Variants in SCUBE2 observed in about 807,000 individuals in gnomAD.
SCUBE2 encodes signal peptide, CUB and EGF-like domain-containing protein 2.
Under a neutral mutation model 125.9 loss-of-function variants are expected in SCUBE2, and 114 were observed. The observed-to-expected ratio is 0.91, with a 90% CI of 0.78 to 1.06. The LOEUF is 1.06. Ranked by LOEUF, SCUBE2 falls within the 50% of genes least tolerant of loss-of-function variation. SCUBE2 has a pLI of 0.00. For missense variants in SCUBE2, 1,255 were observed against 1,301.8 expected, an observed-to-expected ratio of 0.96 and a Z score of 0.55; for synonymous variants, 459 against 492.9, an observed-to-expected ratio of 0.93 and a Z score of 0.91.
intron 9 of SCUBE2, among the ~76,000 whole-genome samples, chr11:9,057,657 T>A (rs1462965055): frequency 6.6e-6 from 1 of 151,084 alleles, no homozygotes; most frequent in South Asian, 2.1e-4. Context: ...TAGCTGGGAT[T>A]ACAGGTGCCC....
At chr11:9,078,178 T>G (rs1287205468) in intron 3 of SCUBE2, among the ~76,000 whole-genome samples, 1 of 152,262 alleles carries the variant, frequency 6.6e-6, no homozygotes, top group Non-Finnish European at 1.5e-5. Flanking sequence ...TAATTAATAC[T>G]GATTCCTGCT....
Position 9,091,391 on chromosome 11 carries a change from C to G in SCUBE2, c.133+5G>C. The G allele has an allele frequency of 1.5e-6, 2 of 1,314,432 alleles. No homozygotes were observed. Among genetic ancestry groups the G allele is most frequent in the Non-Finnish European group, 1.9e-6 (2 of 1,038,178 alleles). The allele number at this position is 1,314,432 out of a possible 1,614,324, so 81.4% of individuals were successfully genotyped here. A position where few individuals can be genotyped will look rare whatever the true frequency, so the allele number is the denominator to read the frequency against. On this transcript the variant is annotated splice_donor_5th_base_variant and intron_variant, in intron 1 of 22. Transcript: ENST00000649792. The surrounding 1 kb of genome is among the most constrained non-coding windows in gnomAD (Gnocchi z 8.5). ...CCAGGTGCGCCCCCGCGGCCGGACACTCACCCTCCTGCGGCCCCGCGGCAC... is the reference window on the plus strand; with the variant it reads ...CCAGGTGCGCCCCCGCGGCCGGACAGTCACCCTCCTGCGGCCCCGCGGCAC...
chr11:9,066,704 G>T lies in SCUBE2; in HGVS notation c.753C>A (p.Ser251Arg). 4 of 1,613,836 alleles carry T rather than the reference G, an allele frequency of 2.5e-6. No homozygotes were observed. The highest frequency in any genetic ancestry group is 3.4e-6 in the Non-Finnish European group (4 of 1,179,764). The change falls in exon 6 of 23, where the codon AGC becomes AGA. Residue 251 changes from serine (S) to arginine (R), a missense_variant. By Grantham distance (110) the Ser-to-Arg change is moderately radical (BLOSUM62 -1). Around this residue, in one of 3 missense-constraint regions of SCUBE2, gnomAD observed 378 missense variants for 463.1 expected, o/e 0.82. Coordinates refer to ENST00000649792, the MANE Select transcript of SCUBE2 (RefSeq NM_001367977.2). ...GTTGGGGTTGCCACTCACCAAGGCA[G>T]CTCCTCCCATCTGTGTGCATCTTGT... ...PQYKMHTDGR[S>R]CLEREDTVLE...
At chr11:9,081,235 A>G (rs1368430298) in intron 2 of SCUBE2, among the ~76,000 whole-genome samples, 5 of 152,208 alleles carry the variant, frequency 3.3e-5, no homozygotes, top group Non-Finnish European at 7.3e-5. Context: ...GTTGGATATA[A>G]TTAAAACAAT....
intron 7 of SCUBE2, among the ~76,000 whole-genome samples, chr11:9,061,393 A>G (rs1859670518): frequency 6.6e-6 from 1 of 151,918 alleles, no homozygotes; most frequent in South Asian, 2.1e-4. Context: ...CCCCATCTCT[A>G]CACAAATTTT....
Position 9,091,529 on chromosome 11 carries a change from G to T in SCUBE2, c.-1C>A. The T allele has an allele frequency of 1.3e-6, 1 of 775,020 alleles. No homozygotes were observed. The highest frequency in any genetic ancestry group is 1.7e-6 in the Non-Finnish European group (1 of 579,816). The allele number at this position is 775,020 out of a possible 1,614,324, so 48.0% of individuals were successfully genotyped here. A position where few individuals can be genotyped will look rare whatever the true frequency, so the allele number is the denominator to read the frequency against. ...GACGGTTGCGGCCCGCGACCCCCAT[G>T]GATGGCTCAGCGGTTGCGGGCAGAG... On this transcript the variant is annotated 5_prime_UTR_variant, in exon 1 of 23. Transcript: ENST00000649792. The surrounding 1 kb of genome is among the most constrained non-coding windows in gnomAD (Gnocchi z 8.5).
chr11:9,063,232 C>G (rs955732424), intron 7 of SCUBE2, among the ~76,000 whole-genome samples: 3 of 151,634 alleles, frequency 2.0e-5, no homozygotes, highest in Non-Finnish European at 4.4e-5. Flanking sequence ...GGCGACAGAA[C>G]AAGACTCTGT....
At chr11:9,039,133 C>G (rs1856990544) in intron 16 of SCUBE2, among the ~76,000 whole-genome samples, 1 of 151,148 alleles carries the variant, frequency 6.6e-6, no homozygotes, top group Non-Finnish European at 1.5e-5. Flanking sequence ...GCCACTGTAC[C>G]CAGCCTGATT....
rs72142315 is a variant in SCUBE2, at chr11:9,045,610, GACACACACAC to G, written c.2002+1736_2002+1745del. On this transcript the variant is annotated intron_variant, in intron 16 of 22. Coordinates refer to ENST00000649792, the MANE Select transcript of SCUBE2 (RefSeq NM_001367977.2). ...ACCAGGACTAGAAGACAGACAGACA[GACACACACAC>G]ACACACACACACACACACACACACA... 6.0e-4 allele frequency among the ~76,000 whole-genome samples: 60 copies of G among 99,212 alleles called. 1 individual carries two copies. The highest frequency in any genetic ancestry group is 1.7e-3 in the South Asian group (6 of 3,548). 65.1% of individuals were successfully genotyped at this position (99,212 alleles called of 152,430 possible).
intron 21 of SCUBE2, chr11:9,024,538 G>T: frequency 1.8e-6 from 1 of 547,268 alleles, no homozygotes; most frequent in East Asian, 6.9e-5. Context: ...CTAAGATTAA[G>T]TCTATCCTCC....
intron 2 of SCUBE2, among the ~76,000 whole-genome samples, chr11:9,087,189 A>G (rs930114659): frequency 1.3e-5 from 2 of 152,224 alleles, no homozygotes; most frequent in Non-Finnish European, 2.9e-5. Context: ...TAGCAATTCA[A>G]TTTCATTTGA....
chr11:9,036,612 CA>C (rs1444736306), intron 16 of SCUBE2, among the ~76,000 whole-genome samples: 1 of 152,216 alleles, frequency 6.6e-6, no homozygotes, highest in Non-Finnish European at 1.5e-5. Flanking sequence ...ACAATGATTC[CA>C]ACAGCCCCAT....
intron 4 of SCUBE2, among the ~76,000 whole-genome samples, chr11:9,070,707 T>TCTCTCTAGAGACTTCA (rs1362372351): frequency 2.0e-5 from 3 of 152,214 alleles, no homozygotes; most frequent in Admixed American, 1.3e-4. Context: ...TCTAGTGAAG[T>TCTCTCTAGAGACTTCA]CAAAGTTCTC....
At chr11:9,082,623 T>C (rs979529448) in intron 2 of SCUBE2, among the ~76,000 whole-genome samples, 5 of 152,202 alleles carry the variant, frequency 3.3e-5, no homozygotes, top group African/African-American at 1.2e-4. Context: ...ATTCATACAA[T>C]GGACTACTAT....
rs1199734203 is a variant in SCUBE2, at chr11:9,066,769, C to G, written c.688G>C (p.Asp230His). The change falls in exon 6 of 23, where the codon GAT becomes CAT. Residue 230 changes from aspartate (D) to histidine (H), a missense_variant. This residue lies in a region of SCUBE2 where 362 missense variants were observed against 323.0 expected (regional missense o/e 1.12). Coordinates refer to ENST00000649792, the MANE Select transcript of SCUBE2 (RefSeq NM_001367977.2). ...GNGGCQHSCD[D>H]TADGPECSCH... ...CTGCACTCTGGGCCATCGGCTGTATCGTCACAGGAGTGCTGGCACCCACCG... is the reference window on the plus strand; with the variant it reads ...CTGCACTCTGGGCCATCGGCTGTATGGTCACAGGAGTGCTGGCACCCACCG... 2.5e-6 allele frequency: 4 copies of G among 1,614,166 alleles called. No homozygotes were observed. In the Admixed American group the frequency reaches 6.7e-5, roughly 27 times the overall value.
chr11:9,064,188 C>A, intron 7 of SCUBE2, among the ~76,000 whole-genome samples: 1 of 152,072 alleles, frequency 6.6e-6, no homozygotes, highest in East Asian at 1.9e-4. Flanking sequence ...ACTGTAGGGC[C>A]AGGCATGAAG....
At chr11:9,033,847 G>A (rs776377364) in intron 16 of SCUBE2, 51 bp from the exon 17 acceptor site, 14 of 1,587,700 alleles carry the variant, frequency 8.8e-6, no homozygotes, top group African/African-American at 2.7e-5. Context: ...GGCCAAGGAA[G>A]GATGATGTGA....
rs745530208 is a variant in SCUBE2 at position 9,021,135 on chromosome 11, G to C, written c.2997C>G (p.Tyr999Ter). The change falls in exon 23 of 23, where the codon TAC becomes TAG. Residue 999 changes from tyrosine (Y) to a stop codon, truncating the protein, a stop_gained. Coordinates refer to ENST00000649792, the MANE Select transcript of SCUBE2 (RefSeq NM_001367977.2). LOFTEE classifies it high-confidence loss of function. ...ACATCTCTCGGGACTCCTGGGCTGT[G>C]TACTTGAAATAGTTCTGGGGATGGG... ...VLAHPQNYFK[Y>*]TAQESREMFP... The C allele has an allele frequency of 6.2e-7, 1 of 1,613,178 alleles. No individual in the cohort carries two copies. The highest frequency in any genetic ancestry group is 8.5e-7 in the Non-Finnish European group (1 of 1,179,492).
At chr11:9,047,735 G>T (rs1183704019) in intron 15 of SCUBE2, among the ~76,000 whole-genome samples, 173 bp from the exon 16 acceptor site, 3 of 152,090 alleles carry the variant, frequency 2.0e-5, no homozygotes, top group Admixed American at 1.3e-4. Flanking sequence ...ACAGAAATTT[G>T]TGGATCAGAA....
Sources: gnomAD v4.1 joint callset for allele counts (sites outside exome capture counted in the v4.1 genomes callset) on GRCh38, gnomAD v4.1.1 for gene constraint, gnomAD v4.1.1 regional missense constraint, Gnocchi (gnomAD v3.1) non-coding constraint, MANE v1.5 for transcripts, NCBI Gene and HGNC (gene_info 2026-07-23, HGNC 2026-07-21) for gene names.